Variants in CPE observed in about 807,000 individuals in gnomAD.
CPE encodes carboxypeptidase E.
Under a neutral mutation model 53.5 loss-of-function variants are expected in CPE, and 17 were observed. The ratio of observed to expected loss-of-function variants is 0.32; its 90% CI spans 0.22 to 0.48. CPE has a LOEUF of 0.48. CPE is among the 20% of genes least tolerant of loss of function. The pLI is 0.99. For synonymous variants in CPE, 226 were observed against 228.8 expected (o/e 0.99, Z 0.11); for missense variants, 524 against 614.7 (o/e 0.85, Z 1.56).
At chr4:165,485,371 A>C (rs1732490742) in intron 5 of CPE, among the ~76,000 whole-genome samples, 1 of 152,226 alleles carries the variant, frequency 6.6e-6, no homozygotes, top group South Asian at 2.1e-4. Flanking sequence ...GGTAATAAGC[A>C]ACATTAGCTA....
intron 1 of CPE, among the ~76,000 whole-genome samples, chr4:165,425,925 A>G (rs529390831): frequency 3.3e-5 from 5 of 152,342 alleles, no homozygotes; most frequent in Admixed American, 2.6e-4. Context: ...CCAAATATCA[A>G]TTATGCCATG....
Position 165,465,402 on chromosome 4 carries a change from A to G in CPE, c.504+816A>G, listed in dbSNP as rs188475506. ...ACGATTTCTAAAGTTATGAGAGAAA[A>G]ATTCTAGTAATATATAAAATTAAAT... On this transcript the variant is annotated intron_variant, in intron 2 of 8. Coordinates refer to ENST00000402744, the MANE Select transcript of CPE (RefSeq NM_001873.4). Among the ~76,000 whole-genome samples, 562 of 152,092 alleles carry G rather than the reference A, an allele frequency of 3.7e-3. 2 individuals carry two copies. Among genetic ancestry groups the G allele is most frequent in the African/African-American group, 0.013 (521 of 41,526 alleles).
At chr4:165,449,556 G>C (rs910154016) in intron 1 of CPE, among the ~76,000 whole-genome samples, 3 of 152,162 alleles carry the variant, frequency 2.0e-5, no homozygotes, top group African/African-American at 7.2e-5. Context: ...GAGTGTTGAA[G>C]AGAGAGTAAC....
In CPE at chr4:165,454,011, G is replaced by A. The variant is rs577989077; in HGVS notation, c.308-10379G>A. ...TTACAAATACCCCATACACAGTGGTGTGCTGGTAAATGTTTTACAATCAGC... is the reference window on the plus strand; with the variant it reads ...TTACAAATACCCCATACACAGTGGTATGCTGGTAAATGTTTTACAATCAGC... On this transcript the variant is annotated intron_variant, in intron 1 of 8. Transcript: ENST00000402744. Among the ~76,000 whole-genome samples, 3 of 152,108 alleles carry A rather than the reference G, an allele frequency of 2.0e-5. 1 individual carries two copies. In the South Asian group the frequency reaches 6.2e-4, roughly 32 times the overall value.
At chr4:165,448,322 G>A (rs931969074) in intron 1 of CPE, among the ~76,000 whole-genome samples, 11 of 152,052 alleles carry the variant, frequency 7.2e-5, no homozygotes, top group South Asian at 4.2e-4. Flanking sequence ...CAAGTGTAGC[G>A]GGAATTTAAA....
Position 165,497,503 on chromosome 4 carries a change from C to T in CPE, c.1333-9C>T, listed in dbSNP as rs772486883. On this transcript the variant is annotated splice_polypyrimidine_tract_variant and intron_variant, in intron 8 of 8. Coordinates refer to ENST00000402744, the MANE Select transcript of CPE (RefSeq NM_001873.4). ...TTGATAATAATATGTTCTTGATTTT[C>T]TCTTTTAGGTTGATTTTGAACTGGA... The T allele has an allele frequency of 6.8e-7, 1 of 1,475,732 alleles. No individual in the cohort carries two copies. Among genetic ancestry groups the T allele is most frequent in the South Asian group, 1.4e-5 (1 of 69,490 alleles). 91.4% of individuals were successfully genotyped at this position (1,475,732 alleles called of 1,614,324 possible). A position where few individuals can be genotyped will look rare whatever the true frequency, so the allele number is the denominator to read the frequency against.
chr4:165,443,875 T>G (rs1344831530), intron 1 of CPE, among the ~76,000 whole-genome samples: 1 of 152,148 alleles, frequency 6.6e-6, no homozygotes, highest in South Asian at 2.1e-4. Flanking sequence ...TGAATCCTTA[T>G]GAATGGGATT....
intron 1 of CPE, among the ~76,000 whole-genome samples, chr4:165,440,250 A>T (rs1218309839): frequency 6.6e-6 from 1 of 152,192 alleles, no homozygotes; most frequent in Non-Finnish European, 1.5e-5. Flanking sequence ...GGCAGGAAGA[A>T]TGGTGGTTTT....
rs113823207 is a variant in CPE, at chr4:165,475,190, C to CA, written c.673-7045dup. Among the ~76,000 whole-genome samples, 914 of 151,914 alleles carry CA rather than the reference C, an allele frequency of 6.0e-3. 6 individuals are homozygous for CA. The highest frequency in any genetic ancestry group is 0.021 in the African/African-American group (858 of 41,416). On this transcript the variant is annotated intron_variant, in intron 3 of 8. Coordinates refer to ENST00000402744, the MANE Select transcript of CPE (RefSeq NM_001873.4). ...CCCTCCTTTCAAAGGAGTGTTAACT[C>CA]AAAAAAAGCAAATAAGTGAGATCCT...
At chr4:165,480,008 A>AT (rs1732375836) in intron 3 of CPE, among the ~76,000 whole-genome samples, 1 of 151,686 alleles carries the variant, frequency 6.6e-6, no homozygotes, top group African/African-American at 2.4e-5. Flanking sequence ...AAAAAAAAAA[A>AT]GCTATGCATT....
intron 6 of CPE, among the ~76,000 whole-genome samples, chr4:165,492,003 T>A (rs532668400): frequency 1.9e-4 from 29 of 152,352 alleles, no homozygotes; most frequent in African/African-American, 5.8e-4. Flanking sequence ...CGATTTGATA[T>A]TCTAGATGCA....
chr4:165,422,627 G>T (rs922329336), intron 1 of CPE, among the ~76,000 whole-genome samples: 2 of 152,140 alleles, frequency 1.3e-5, no homozygotes, highest in African/African-American at 4.8e-5. Flanking sequence ...GGTGGTCAGG[G>T]CACAGCTTGG....
intron 3 of CPE, among the ~76,000 whole-genome samples, chr4:165,469,967 A>G (rs1195614696): frequency 1.3e-5 from 2 of 152,136 alleles, no homozygotes; most frequent in East Asian, 3.9e-4. Flanking sequence ...TCTCCTGCCT[A>G]TATATGGGAT....
chr4:165,430,266 T>G (rs1481649856), intron 1 of CPE, among the ~76,000 whole-genome samples: 1 of 152,202 alleles, frequency 6.6e-6, no homozygotes, highest in Non-Finnish European at 1.5e-5. Flanking sequence ...TCATACATAC[T>G]ACAGGACCTT....
At chr4:165,404,728 A>C (rs1730925513) in intron 1 of CPE, 3 of 829,310 alleles carry the variant, frequency 3.6e-6, no homozygotes, top group East Asian at 4.9e-5. Context: ...TATAGAAGCC[A>C]GGTCCATCCT....
intron 1 of CPE, among the ~76,000 whole-genome samples, chr4:165,456,452 C>G (rs994373370): frequency 6.6e-6 from 1 of 152,118 alleles, no homozygotes; most frequent in Non-Finnish European, 1.5e-5. Flanking sequence ...TTTAATTATC[C>G]TAGCATGAAA....
intron 1 of CPE, among the ~76,000 whole-genome samples, chr4:165,409,314 GT>G (rs1224897029): frequency 6.6e-6 from 1 of 152,008 alleles, no homozygotes; most frequent in Non-Finnish European, 1.5e-5. Flanking sequence ...AGTGATTCTT[GT>G]GTCTCAGCCT....
intron 1 of CPE, among the ~76,000 whole-genome samples, chr4:165,422,532 T>G (rs1318229731): frequency 6.6e-6 from 1 of 152,186 alleles, no homozygotes; most frequent in Non-Finnish European, 1.5e-5. Flanking sequence ...GAGATAAGTC[T>G]CAGTCAATTT....
At chr4:165,488,797 GT>G (rs1732552168) in intron 6 of CPE, among the ~76,000 whole-genome samples, 1 of 151,844 alleles carries the variant, frequency 6.6e-6, no homozygotes, top group Non-Finnish European at 1.5e-5. Context: ...GCAAGGCTCT[GT>G]TGCAGTGGTC....
Sources: allele counts gnomAD v4.1 joint callset (sites outside exome capture counted in the v4.1 genomes callset), GRCh38; gene constraint gnomAD v4.1.1; transcripts MANE v1.5; gene names NCBI Gene and HGNC (gene_info 2026-07-23, HGNC 2026-07-21).